The following CEP70 variants were observed in gnomAD, a reference collection of about 807,000 sequenced individuals.
The protein encoded by CEP70 is centrosomal protein 70, also known as centrosomal protein of 70 kDa.
Under a neutral mutation model 90.9 loss-of-function variants are expected in CEP70, and 70 were observed. The observed-to-expected ratio is 0.77, with a 90% CI of 0.64 to 0.94. CEP70 has a LOEUF of 0.94. Among genes scored for constraint, CEP70 ranks in the 40% least tolerant of loss-of-function variants. CEP70 has a pLI of 0.00. For synonymous variants in CEP70, 220 were observed against 228.3 expected, an observed-to-expected ratio of 0.96 and a Z score of 0.33; for missense variants, 648 against 669.0, an observed-to-expected ratio of 0.97 and a Z score of 0.35.
chr3:138,522,278 T>C (rs963361839), intron 11 of CEP70, among the ~76,000 whole-genome samples: 1 of 110,898 alleles, frequency 9.0e-6, no homozygotes, highest in Non-Finnish European at 1.9e-5. Context: ...GAATGATCAA[T>C]AAATACTAAA....
chr3:138,498,680 C>T (rs1285052013), intron 16 of CEP70, among the ~76,000 whole-genome samples: 5 of 152,062 alleles, frequency 3.3e-5, no homozygotes, highest in Non-Finnish European at 7.4e-5. Context: ...AAGCTCAAGG[C>T]TTCTTAGATC....
At chr3:138,508,728 T>TA (rs199819137) in intron 11 of CEP70, among the ~76,000 whole-genome samples, 184 bp from the exon 12 acceptor site, 6 of 151,634 alleles carry the variant, frequency 4.0e-5, no homozygotes, top group Admixed American at 6.6e-5. Flanking sequence ...TATATAGAGT[T>TA]AAAAAAAATT....
chr3:138,582,511 G>A (rs2041917517), intron 2 of CEP70, among the ~76,000 whole-genome samples: 1 of 148,398 alleles, frequency 6.7e-6, no homozygotes, highest in Non-Finnish European at 1.5e-5. Flanking sequence ...CAGGCATGGT[G>A]GCCTTTAATC....
At chr3:138,531,265 C>T (rs971260594) in intron 8 of CEP70, among the ~76,000 whole-genome samples, 1 of 152,122 alleles carries the variant, frequency 6.6e-6, no homozygotes, top group African/African-American at 2.4e-5. Context: ...CAGAGAACCC[C>T]GTTTGCAGAA....
chr3:138,526,879 T>TA, intron 10 of CEP70, among the ~76,000 whole-genome samples: 1 of 152,230 alleles, frequency 6.6e-6, no homozygotes, highest in Non-Finnish European at 1.5e-5. Context: ...TAGCTTGATT[T>TA]AATTATTCTG....
rs77465263 is a variant in CEP70 at position 138,506,948 on chromosome 3, G to A, written c.1051-1483C>T. ...TCTAGAGATGTGGTCTCACTATATT[G>A]CCCAGGCTGGTCTCAAACTCCTGCC... On this transcript the variant is annotated intron_variant, in intron 12 of 17. Coordinates refer to ENST00000264982, the MANE Select transcript of CEP70 (RefSeq NM_024491.4). Among the ~76,000 whole-genome samples, 1,132 of 151,214 alleles carry A rather than the reference G, an allele frequency of 7.5e-3. 18 individuals carry two copies. Among genetic ancestry groups the A allele is most frequent in the African/African-American group, 0.026 (1,063 of 41,162 alleles).
At chr3:138,545,800 C>T (rs1372797557) in intron 6 of CEP70, among the ~76,000 whole-genome samples, 1 of 152,088 alleles carries the variant, frequency 6.6e-6, no homozygotes, top group African/African-American at 2.4e-5. Flanking sequence ...TGAAATACAC[C>T]CTGGTCTCCT....
At chr3:138,534,864 T>A (rs1576697683) in intron 7 of CEP70, among the ~76,000 whole-genome samples, 1 of 152,214 alleles carries the variant, frequency 6.6e-6, no homozygotes, top group South Asian at 2.1e-4. Context: ...ACTCCTCCAC[T>A]CCTTTCAACA....
At position 138,571,101 on chromosome 3, in the gene CEP70, A is replaced by G; in HGVS notation, c.217T>C (p.Leu73=). ...SQRMRQNLKL[L]VEETSCQQNM... The stretch of plus-strand genomic sequence containing the variant: ...TGTTGACATGATGTTTCTTCCACCA[A>G]CAATTTCAAATTCTGTCTCATCCTT... Residue 73 remains leucine, a synonymous_variant, in exon 5 of 18, where the codon TTG becomes CTG. Coordinates refer to ENST00000264982, the MANE Select transcript of CEP70 (RefSeq NM_024491.4). The G allele has an allele frequency of 6.2e-7, 1 of 1,606,726 alleles. No homozygotes were observed. The highest frequency in any genetic ancestry group is 8.5e-7 in the Non-Finnish European group (1 of 1,174,468).
chr3:138,554,269 T>C (rs189231140), intron 6 of CEP70, among the ~76,000 whole-genome samples: 22 of 151,176 alleles, frequency 1.5e-4, no homozygotes, highest in African/African-American at 4.1e-4. Flanking sequence ...ACAAGGGACA[T>C]ACCTCAAAGT....
chr3:138,499,833 T>TCGGTGGTCGCCG, intron 16 of CEP70: 1 of 301,872 alleles, frequency 3.3e-6, no homozygotes, highest in South Asian at 4.4e-5. Flanking sequence ...TGGCGTGTGC[T>TCGGTGGTCGCCG]TACAGTCACA....
Position 138,571,164 on chromosome 3 carries a change from T to G in CEP70, c.161-7A>C, listed in dbSNP as rs2041148314. 6.3e-7 allele frequency: 1 copy of G among 1,578,514 alleles called. No homozygotes were observed. Among genetic ancestry groups the G allele is most frequent in the African/African-American group, 1.4e-5 (1 of 72,888 alleles). ...TTGTCAAAAATGATGAGATCTACAT[T>G]TAAAAAGTATATAATACAGATAGTA... On this transcript the variant is annotated splice_region_variant and splice_polypyrimidine_tract_variant and intron_variant, in intron 4 of 17. Coordinates refer to ENST00000264982, the MANE Select transcript of CEP70 (RefSeq NM_024491.4).
rs187626943 is a variant in CEP70, at chr3:138,582,599, A to G, written c.-6+9255T>C. Among the ~76,000 whole-genome samples the G allele has an allele frequency of 5.6e-3, 855 of 151,660 alleles. 7 individuals are homozygous for G. The highest frequency in any genetic ancestry group is 0.02 in the African/African-American group (823 of 41,326). ...AGCCTGGCCAACATAGTGAAACCCC[A>G]TCTCTACTAAAAATACAAAAATTCT... is the stretch of plus-strand genomic sequence containing the variant. On this transcript the variant is annotated intron_variant, in intron 2 of 17. Coordinates refer to ENST00000264982, the MANE Select transcript of CEP70 (RefSeq NM_024491.4).
intron 6 of CEP70, among the ~76,000 whole-genome samples, chr3:138,543,886 T>C (rs2038959737): frequency 6.6e-6 from 1 of 152,142 alleles, no homozygotes. Flanking sequence ...TGTAAAAAGA[T>C]GTAAACTGAG....
intron 10 of CEP70, 42 bp downstream of exon 10, chr3:138,529,157 C>T: frequency 8.1e-7 from 1 of 1,234,120 alleles, no homozygotes; most frequent in Non-Finnish European, 1.2e-6. Context: ...AGAGTGAGAC[C>T]CTGTCTCAGG....
intron 6 of CEP70, among the ~76,000 whole-genome samples, chr3:138,544,357 C>CAAAAAAAAA (rs59364039): frequency 2.7e-4 from 37 of 136,042 alleles, no homozygotes; most frequent in African/African-American, 8.8e-4. Flanking sequence ...ACTCAAAAGA[C>CAAAAAAAAA]AAAAAAAAAA....
chr3:138,562,280 T>C (rs2040465431), intron 6 of CEP70, among the ~76,000 whole-genome samples: 1 of 152,152 alleles, frequency 6.6e-6, no homozygotes, highest in African/African-American at 2.4e-5. Context: ...GAAAACACTC[T>C]TTAGGATACT....
intron 11 of CEP70, among the ~76,000 whole-genome samples, chr3:138,520,134 T>G (rs1162398292): frequency 6.6e-6 from 1 of 152,340 alleles, no homozygotes; most frequent in East Asian, 1.9e-4. Context: ...AAGAGCTAAC[T>G]ATGTTAAATA....
In CEP70 at chr3:138,537,233, T is replaced by C; in HGVS notation, c.580A>G (p.Asn194Asp). The C allele has an allele frequency of 6.2e-7, 1 of 1,606,300 alleles. No homozygotes were observed. The highest frequency in any genetic ancestry group is 8.5e-7 in the Non-Finnish European group (1 of 1,176,868). The change falls in exon 7 of 18, where the codon AAC becomes GAC. Residue 194 changes from asparagine to aspartate, a missense_variant. Asn to Asp is a conservative substitution (Grantham distance 23). Transcript: ENST00000264982. ...TTGCACAGATAGGCAAACACTCTGT[T>C]TTGAGTGACAATGCGATCTTCTTCC... Reference protein sequence around the residue: ...KEEEDRIVTQNRVFAYLCKRV... With the variant: ...KEEEDRIVTQDRVFAYLCKRV...
Sources: allele counts gnomAD v4.1 joint callset (sites outside exome capture counted in the v4.1 genomes callset), GRCh38; gene constraint gnomAD v4.1.1; transcripts MANE v1.5; gene names NCBI Gene and HGNC (gene_info 2026-07-23, HGNC 2026-07-21).